OSBPL9: variants seen among roughly 807,000 people sequenced by gnomAD.
The protein encoded by OSBPL9 is oxysterol-binding protein-related protein 9.
A neutral mutation model predicts 106.6 loss-of-function variants in OSBPL9; 40 were observed. That is an observed-to-expected ratio of 0.38 (90% CI 0.29 to 0.49). The LOEUF is 0.49. OSBPL9 is among the 20% of genes least tolerant of loss of function. The pLI is 0.97. For synonymous variants in OSBPL9, 269 were observed against 295.4 expected, an observed-to-expected ratio of 0.91 and a Z score of 0.92; for missense variants, 609 against 887.2, an observed-to-expected ratio of 0.69 and a Z score of 3.98.
chr1:51,620,143 A>T (rs900838233), intron 1 of OSBPL9, among the ~76,000 whole-genome samples: 3 of 152,178 alleles, frequency 2.0e-5, no homozygotes, highest in Non-Finnish European at 2.9e-5. Flanking sequence ...TTTTTATTAG[A>T]TGAAATGGCC....
chr1:51,519,117 A>T, the OSBPL9 span: 1 of 993,040 alleles, frequency 1.0e-6, no homozygotes, highest in Non-Finnish European at 1.4e-6. Context: ...TTGGCCCACA[A>T]GCCAAGAAGT....
chr1:51,648,801 G>A (rs982503697), intron 1 of OSBPL9, among the ~76,000 whole-genome samples: 1 of 152,178 alleles, frequency 6.6e-6, no homozygotes, highest in Admixed American at 6.5e-5. Flanking sequence ...TTCTTACCAT[G>A]CAAAGGCTTG....
the OSBPL9 span, among the ~76,000 whole-genome samples, chr1:51,563,111 G>A: frequency 1.3e-5 from 2 of 152,290 alleles, no homozygotes; most frequent in African/African-American, 4.8e-5. Context: ...TCGGGAGGCT[G>A]AGGCATGAGA....
chr1:51,588,446 C>T (rs1294774944), intron 1 of OSBPL9, among the ~76,000 whole-genome samples: 1 of 151,964 alleles, frequency 6.6e-6, no homozygotes, highest in African/African-American at 2.4e-5. Flanking sequence ...ATTGCTTGAG[C>T]CCAGGAGTTC....
chr1:51,705,868 T>C lies in OSBPL9; in HGVS notation c.242-8135T>C, dbSNP rs191917909. Among the ~76,000 whole-genome samples the C allele has an allele frequency of 2.0e-4, 31 of 152,350 alleles. No individual in the cohort carries two copies. The East Asian group carries it at 4.6e-3, about 23-fold the overall frequency. On this transcript the variant is annotated intron_variant, in intron 3 of 23. Transcript: ENST00000428468. ...ACTTGGACATGATCTATTAATTTTTTAAGGTCATGGTCATTCATTCATTTC... is the reference window on the plus strand; with the variant it reads ...ACTTGGACATGATCTATTAATTTTTCAAGGTCATGGTCATTCATTCATTTC...
intron 10 of OSBPL9, among the ~76,000 whole-genome samples, chr1:51,761,603 T>C (rs1671517943): frequency 6.6e-6 from 1 of 152,178 alleles, no homozygotes; most frequent in Non-Finnish European, 1.5e-5. Flanking sequence ...ATTTGTTGGT[T>C]TTACAGCATA....
At chr1:51,767,930 G>T (rs1252199912) in intron 12 of OSBPL9, among the ~76,000 whole-genome samples, 1 of 134,676 alleles carries the variant, frequency 7.4e-6, no homozygotes, top group Admixed American at 7.6e-5. Context: ...GAGAATTAAA[G>T]ACCGTCTTTT....
chr1:51,594,688 C>T (rs1645291603), intron 1 of OSBPL9, among the ~76,000 whole-genome samples: 1 of 152,210 alleles, frequency 6.6e-6, no homozygotes, highest in Admixed American at 6.5e-5. Flanking sequence ...ACTTAGTAAG[C>T]TACCTGCCCA....
At chr1:51,547,015 C>T in the OSBPL9 span, among the ~76,000 whole-genome samples, 39 of 152,152 alleles carry the variant, frequency 2.6e-4, no homozygotes, top group Admixed American at 2.6e-3. Flanking sequence ...ATAATGCCAG[C>T]TGGTGGAGTT....
chr1:51,588,833 C>CA (rs1645259718), intron 1 of OSBPL9, among the ~76,000 whole-genome samples: 1 of 152,102 alleles, frequency 6.6e-6, no homozygotes, highest in East Asian at 1.9e-4. Context: ...TCTTTGTCAA[C>CA]AAAAAATTAT....
chr1:51,577,413 GT>G (rs368519929), intron 1 of OSBPL9, among the ~76,000 whole-genome samples: 7 of 150,508 alleles, frequency 4.7e-5, no homozygotes, highest in African/African-American at 1.7e-4. Context: ...AACGCCTCTG[GT>G]TCAAGCGTGC....
intron 20 of OSBPL9, chr1:51,785,107 C>G (rs1677291495): frequency 6.4e-6 from 1 of 157,100 alleles, no homozygotes; most frequent in Non-Finnish European, 1.4e-5. Context: ...CACCATGACT[C>G]TCTCTGCCTC....
the OSBPL9 span, among the ~76,000 whole-genome samples, chr1:51,562,816 T>C: frequency 1.8e-4 from 28 of 152,296 alleles, 1 homozygote; most frequent in Admixed American, 1.8e-3. Context: ...CCAAATAAAA[T>C]CATGCTTGCT....
At chr1:51,629,671 C>T (rs751150940) in intron 1 of OSBPL9, among the ~76,000 whole-genome samples, 3 of 151,982 alleles carry the variant, frequency 2.0e-5, no homozygotes, top group African/African-American at 4.8e-5. Flanking sequence ...TAATGTGGCT[C>T]GGTGCAGTGG....
rs78502269 is a variant in OSBPL9 at position 51,680,373 on chromosome 1, G to C, written c.241+10861G>C. 5.1e-3 allele frequency among the ~76,000 whole-genome samples: 768 copies of C among 152,044 alleles called. 4 individuals carry two copies. Among genetic ancestry groups the C allele is most frequent in the Middle Eastern group, 0.01 (3 of 294 alleles). ...ATGTTCTAAGAAAACATGATTTTTGGCTAGGGGTGATAGCTCACGCCTGTA... is the reference window on the plus strand; with the variant it reads ...ATGTTCTAAGAAAACATGATTTTTGCCTAGGGGTGATAGCTCACGCCTGTA... On this transcript the variant is annotated intron_variant, in intron 3 of 23. Transcript: ENST00000428468.
At chr1:51,519,174 C>A in the OSBPL9 span, 3 of 1,436,852 alleles carry the variant, frequency 2.1e-6, no homozygotes, top group Non-Finnish European at 2.8e-6. Context: ...CCGGCCAAGC[C>A]CGGCGGACGG....
chr1:51,593,562 C>G (rs1645286714), intron 1 of OSBPL9, among the ~76,000 whole-genome samples: 1 of 152,160 alleles, frequency 6.6e-6, no homozygotes, highest in Admixed American at 6.6e-5. Flanking sequence ...ATACCCTTCT[C>G]CCCTTCTCTG....
chr1:51,606,919 G>A (rs969680014), intron 2 of OSBPL9, among the ~76,000 whole-genome samples: 1 of 151,784 alleles, frequency 6.6e-6, no homozygotes, highest in African/African-American at 2.4e-5. Context: ...GCATGGTGGC[G>A]GGCGCCTGTA....
the OSBPL9 span, among the ~76,000 whole-genome samples, chr1:51,539,645 C>A: frequency 6.2e-4 from 94 of 152,096 alleles, 1 homozygote; most frequent in African/African-American, 2.1e-3. Flanking sequence ...GAAGTAAAAC[C>A]CAAATCTACC....
Sources: gnomAD v4.1 joint callset for allele counts (sites outside exome capture counted in the v4.1 genomes callset) on GRCh38, gnomAD v4.1.1 for gene constraint, MANE v1.5 for transcripts, NCBI Gene and HGNC (gene_info 2026-07-23, HGNC 2026-07-21) for gene names.